CALN1: variants seen among roughly 807,000 people sequenced by gnomAD.
CALN1 encodes calcium-binding protein 8.
In CALN1, 17 loss-of-function variants were observed where a neutral mutation model predicts 30.6. The ratio of observed to expected loss-of-function variants is 0.56; its 90% CI spans 0.38 to 0.83. The LOEUF (loss-of-function observed/expected upper bound fraction) is 0.83. Among genes scored for constraint, CALN1 ranks in the 40% least tolerant of loss-of-function variants. CALN1 has a pLI of 0.00. For synonymous variants in CALN1, 156 were observed against 131.4 expected (o/e 1.19, Z -1.28); for missense variants, 291 against 354.9 (o/e 0.82, Z 1.45).
intron 2 of CALN1, among the ~76,000 whole-genome samples, chr7:72,382,474 AT>A (rs1168083369): frequency 6.6e-6 from 1 of 152,100 alleles, no homozygotes; most frequent in Non-Finnish European, 1.5e-5. Context: ...TTTTATTTCA[AT>A]TTTTTTAGAT....
intron 5 of CALN1, among the ~76,000 whole-genome samples, chr7:71,873,040 G>T (rs1792034136): frequency 8.0e-6 from 1 of 124,756 alleles, no homozygotes; most frequent in African/African-American, 3.3e-5. Context: ...GTCTCACCCT[G>T]TCACCCAGTC....
chr7:72,162,223 A>G lies in CALN1; in HGVS notation c.245-55929T>C, dbSNP rs1788165440. Among the ~76,000 whole-genome samples, 6 of 152,168 alleles carry G rather than the reference A, an allele frequency of 3.9e-5. No homozygotes were observed. The South Asian group carries it at 1.2e-3, about 32-fold the overall frequency. Reference sequence around the variant, plus strand: ...ATAATCTATTACCTTGAGTCTTAAGAGCCAATTTCTGTGCCCTAAATTAAA... The same window carrying G: ...ATAATCTATTACCTTGAGTCTTAAGGGCCAATTTCTGTGCCCTAAATTAAA... On this transcript the variant is annotated intron_variant, in intron 3 of 6. Transcript: ENST00000395275.
rs140882147 is a variant in CALN1, at chr7:71,991,005, T to C, written c.501+32652A>G. 6.5e-4 allele frequency among the ~76,000 whole-genome samples: 96 copies of C among 146,880 alleles called. 1 individual carries two copies. The East Asian group carries it at 0.021, about 32-fold the overall frequency. ...GGAGTACTAACGCAGAGGACCAACA[T>C]CAGAATGTCTCTGAATTCAGATGGA... On this transcript the variant is annotated intron_variant, in intron 5 of 6. Coordinates refer to ENST00000395275, the MANE Select transcript of CALN1 (RefSeq NM_031468.4).
At chr7:72,194,342 C>A (rs964023831) in intron 3 of CALN1, among the ~76,000 whole-genome samples, 2 of 152,160 alleles carry the variant, frequency 1.3e-5, no homozygotes, top group South Asian at 2.1e-4. Context: ...GTCAGCCTGG[C>A]CAACACGGTG....
At chr7:72,007,064 T>C (rs1275415580) in intron 5 of CALN1, among the ~76,000 whole-genome samples, 2 of 152,180 alleles carry the variant, frequency 1.3e-5, no homozygotes, top group Non-Finnish European at 2.9e-5. Flanking sequence ...TCCTCACGTG[T>C]CAATTCACCC....
intron 5 of CALN1, among the ~76,000 whole-genome samples, chr7:71,956,925 A>G (rs1796989549): frequency 6.6e-6 from 1 of 151,186 alleles, no homozygotes; most frequent in African/African-American, 2.4e-5. Context: ...TCAAAACTCG[A>G]GACCTCAGGT....
chr7:72,253,488 AG>A (rs1795701880), intron 3 of CALN1, among the ~76,000 whole-genome samples: 1 of 152,268 alleles, frequency 6.6e-6, no homozygotes. Context: ...AGGGGGCCTC[AG>A]AAAACTTACA....
At chr7:72,495,209 C>A in the CALN1 span, among the ~76,000 whole-genome samples, 1 of 152,182 alleles carries the variant, frequency 6.6e-6, no homozygotes, top group South Asian at 2.1e-4. Flanking sequence ...AGATTCCTAA[C>A]TGTTGTTTGA....
chr7:72,061,567 A>C (rs1307350011), intron 4 of CALN1, among the ~76,000 whole-genome samples: 1 of 152,004 alleles, frequency 6.6e-6, no homozygotes, highest in African/African-American at 2.4e-5. Flanking sequence ...AGAGGGGCTC[A>C]ATGTAGAAAT....
At chr7:72,126,865 C>T (rs1323385234) in intron 3 of CALN1, among the ~76,000 whole-genome samples, 1 of 151,998 alleles carries the variant, frequency 6.6e-6, no homozygotes, top group East Asian at 1.9e-4. Context: ...ACAATGTACA[C>T]TGCTTGGGTG....
At chr7:72,169,527 T>C (rs1788788529) in intron 3 of CALN1, among the ~76,000 whole-genome samples, 1 of 151,574 alleles carries the variant, frequency 6.6e-6, no homozygotes, top group African/African-American at 2.4e-5. Flanking sequence ...CTTTCTATGT[T>C]GCCCAGGCTG....
chr7:71,942,641 A>C (rs1379592080), intron 5 of CALN1, among the ~76,000 whole-genome samples: 3 of 152,170 alleles, frequency 2.0e-5, no homozygotes, highest in African/African-American at 7.2e-5. Context: ...AGATGGATGG[A>C]TGTGATGGAA....
chr7:72,021,153 TG>T (rs1375937495), intron 5 of CALN1, among the ~76,000 whole-genome samples: 1 of 152,042 alleles, frequency 6.6e-6, no homozygotes, highest in Non-Finnish European at 1.5e-5. Context: ...CTTGCACCTG[TG>T]GTCCCAGCCA....
chr7:71,941,426 G>A (rs1171623005), intron 5 of CALN1, among the ~76,000 whole-genome samples: 2 of 151,958 alleles, frequency 1.3e-5, no homozygotes, highest in Non-Finnish European at 2.9e-5. Flanking sequence ...GACTGAGAAG[G>A]CAATATTTGA....
the CALN1 span, among the ~76,000 whole-genome samples, chr7:72,455,319 ATATGTGTGTGTGTGTG>A: frequency 7.5e-5 from 10 of 132,456 alleles, 1 homozygote; most frequent in South Asian, 1.0e-3. Flanking sequence ...ATATATATAT[ATATGTGTGTGTGTGTG>A]TGTGTGTGTG....
chr7:72,493,357 G>A, the CALN1 span, among the ~76,000 whole-genome samples: 2 of 145,916 alleles, frequency 1.4e-5, no homozygotes, highest in Non-Finnish European at 3.0e-5. Context: ...TTTTTCCTTT[G>A]AGACAAAGAC....
intron 4 of CALN1, among the ~76,000 whole-genome samples, chr7:72,053,739 C>T (rs1802990053): frequency 6.6e-6 from 1 of 152,074 alleles, no homozygotes; most frequent in Admixed American, 6.5e-5. Flanking sequence ...GTACCCATCA[C>T]CCAGCAGTAT....
intron 1 of CALN1, among the ~76,000 whole-genome samples, chr7:72,417,558 T>G (rs1387304568): frequency 6.6e-6 from 1 of 152,282 alleles, no homozygotes; most frequent in African/African-American, 2.4e-5. Flanking sequence ...CACTGGTTCC[T>G]AAGTGACTAT....
chr7:72,129,987 C>CT (rs1809026271), intron 3 of CALN1, among the ~76,000 whole-genome samples: 1 of 152,104 alleles, frequency 6.6e-6, no homozygotes, highest in Non-Finnish European at 1.5e-5. Context: ...AATGCCCTCC[C>CT]TCAGGGGTGA....
Sources: gnomAD v4.1 joint callset for allele counts (sites outside exome capture counted in the v4.1 genomes callset) on GRCh38, gnomAD v4.1.1 for gene constraint, MANE v1.5 for transcripts, NCBI Gene and HGNC (gene_info 2026-07-23, HGNC 2026-07-21) for gene names.